The following RPS6KC1 variants were observed in gnomAD, a reference collection of about 807,000 sequenced individuals.
The protein encoded by RPS6KC1 is ribosomal protein S6 kinase C1.
A neutral mutation model predicts 103.8 loss-of-function variants in RPS6KC1; 54 were observed. The observed-to-expected ratio is 0.52, with a 90% CI of 0.42 to 0.65. The LOEUF is 0.65. Among genes scored for constraint, RPS6KC1 ranks in the 30% least tolerant of loss-of-function variants. The pLI, the probability that RPS6KC1 is intolerant of heterozygous loss-of-function variation, is 0.00. For missense variants in RPS6KC1, 1,151 were observed against 1,253.8 expected (o/e 0.92, Z 1.24); for synonymous variants, 439 against 438.7 (o/e 1.00, Z -0.01).
chr1:213,530,960 T>C, the RPS6KC1 span, among the ~76,000 whole-genome samples: 2 of 152,208 alleles, frequency 1.3e-5, no homozygotes, highest in African/African-American at 4.8e-5. Flanking sequence ...TGTATACAGA[T>C]TGGACACTTA....
At chr1:213,458,899 A>G in the RPS6KC1 span, among the ~76,000 whole-genome samples, 2 of 152,062 alleles carry the variant, frequency 1.3e-5, no homozygotes. Context: ...TGTTTATGTG[A>G]TGGATTACGT....
At chr1:213,207,168 A>G (rs1558537507) in intron 8 of RPS6KC1, among the ~76,000 whole-genome samples, 1 of 152,166 alleles carries the variant, frequency 6.6e-6, no homozygotes, top group Admixed American at 6.5e-5. Context: ...CTGCTTTGGC[A>G]TATTTTGAGA....
At chr1:213,849,554 C>T in the RPS6KC1 span, among the ~76,000 whole-genome samples, 2 of 152,228 alleles carry the variant, frequency 1.3e-5, no homozygotes, top group South Asian at 4.1e-4. Context: ...GGTACAATTT[C>T]CCTCATTCAT....
At chr1:213,231,156 T>A (rs1158972524) in intron 9 of RPS6KC1, among the ~76,000 whole-genome samples, 1 of 152,206 alleles carries the variant, frequency 6.6e-6, no homozygotes, top group African/African-American at 2.4e-5. Flanking sequence ...ATGTGTAGTG[T>A]GTTGTTTAAA....
At chr1:213,848,334 C>T in the RPS6KC1 span, among the ~76,000 whole-genome samples, 1 of 152,058 alleles carries the variant, frequency 6.6e-6, no homozygotes, top group Non-Finnish European at 1.5e-5. Context: ...TACTGATCTG[C>T]TTTTTGCTGT....
chr1:213,645,232 G>T, the RPS6KC1 span, among the ~76,000 whole-genome samples: 1 of 152,068 alleles, frequency 6.6e-6, no homozygotes, highest in Non-Finnish European at 1.5e-5. Flanking sequence ...GTGCCAAAAA[G>T]AACGTTTTTG....
At chr1:213,425,686 A>T in the RPS6KC1 span, among the ~76,000 whole-genome samples, 3 of 152,200 alleles carry the variant, frequency 2.0e-5, no homozygotes, top group African/African-American at 7.2e-5. Context: ...ACGTGGAGGG[A>T]TATGGTCTCT....
chr1:213,167,119 C>T (rs966145675), intron 6 of RPS6KC1, among the ~76,000 whole-genome samples: 1 of 152,104 alleles, frequency 6.6e-6, no homozygotes, highest in Non-Finnish European at 1.5e-5. Flanking sequence ...ATGATTGGCT[C>T]AGCTCCTGAC....
chr1:213,436,179 A>C, the RPS6KC1 span, among the ~76,000 whole-genome samples: 3 of 152,260 alleles, frequency 2.0e-5, no homozygotes, highest in East Asian at 1.9e-4. Context: ...TCTTTGTGAC[A>C]ATTTAAATTT....
At chr1:213,084,004 C>G (rs972529902) in intron 3 of RPS6KC1, among the ~76,000 whole-genome samples, 4 of 152,116 alleles carry the variant, frequency 2.6e-5, no homozygotes, top group African/African-American at 9.7e-5. Flanking sequence ...ATGTTTCAAA[C>G]TTACAGAAAG....
the RPS6KC1 span, among the ~76,000 whole-genome samples, chr1:213,638,508 C>T: frequency 1.3e-5 from 2 of 151,826 alleles, no homozygotes; most frequent in African/African-American, 4.8e-5. Flanking sequence ...CTATGATTCA[C>T]TTTTAGTTAC....
chr1:213,297,766 A>G, the RPS6KC1 span, among the ~76,000 whole-genome samples: 1 of 152,092 alleles, frequency 6.6e-6, no homozygotes, highest in Non-Finnish European at 1.5e-5. Context: ...ATGTACCACC[A>G]CGCTAAGCTA....
In RPS6KC1 at chr1:213,152,638, G is replaced by A. The variant is rs1353848115; in HGVS notation, c.836-15220G>A. Among the ~76,000 whole-genome samples the A allele has an allele frequency of 6.6e-5, 10 of 151,202 alleles. No individual in the cohort carries two copies. The East Asian group carries it at 1.2e-3, about 18-fold the overall frequency. ...CAGAGGCGCTCCCCACATCTCAGAC[G>A]ATGGGCGGCCGGGCAGAGACGCTCC... On this transcript the variant is annotated intron_variant, in intron 6 of 14. Transcript: ENST00000366960.
At chr1:213,583,220 A>G in the RPS6KC1 span, among the ~76,000 whole-genome samples, 2 of 152,236 alleles carry the variant, frequency 1.3e-5, no homozygotes, top group African/African-American at 4.8e-5. Flanking sequence ...TGCAATAAAC[A>G]TTCGTGCACA....
At chr1:213,687,054 G>A in the RPS6KC1 span, among the ~76,000 whole-genome samples, 9 of 151,638 alleles carry the variant, frequency 5.9e-5, no homozygotes, top group African/African-American at 1.7e-4. Flanking sequence ...GAGGATAACA[G>A]AGGTTACTTT....
chr1:213,065,427 A>G (rs1366432930), intron 1 of RPS6KC1, among the ~76,000 whole-genome samples: 3 of 152,212 alleles, frequency 2.0e-5, no homozygotes, highest in Non-Finnish European at 4.4e-5. Context: ...GTATGGTTAT[A>G]TTCTTCCCTC....
chr1:213,641,736 A>G, the RPS6KC1 span, among the ~76,000 whole-genome samples: 2 of 151,980 alleles, frequency 1.3e-5, no homozygotes, highest in African/African-American at 2.4e-5. Context: ...TTGGTCTCCT[A>G]TTCAGAAACC....
At chr1:213,602,108 C>CT in the RPS6KC1 span, among the ~76,000 whole-genome samples, 159 of 35,122 alleles carry the variant, frequency 4.5e-3, 21 homozygotes, top group African/African-American at 0.02. Flanking sequence ...TTCTTTCTTT[C>CT]TTTCTTTCTT....
rs2094385211 is a variant in RPS6KC1, at chr1:213,242,747, C to T, written c.2911+89C>T. 3 of 1,011,910 alleles carry T rather than the reference C, an allele frequency of 3.0e-6. No individual in the cohort carries two copies. In the African/African-American group the frequency reaches 4.9e-5, roughly 16 times the overall value. 62.7% of individuals were successfully genotyped at this position (1,011,910 alleles called of 1,614,324 possible). ...AGAAGTTGTATTTTTGTATTGTTCA[C>T]TAGCAGTTTACATATGTGTTGGATT... is the stretch of plus-strand genomic sequence containing the variant. On this transcript the variant is annotated intron_variant, in intron 12 of 14. Coordinates refer to ENST00000366960, the MANE Select transcript of RPS6KC1 (RefSeq NM_012424.6).
Sources: gnomAD v4.1 joint callset for allele counts (sites outside exome capture counted in the v4.1 genomes callset) on GRCh38, gnomAD v4.1.1 for gene constraint, MANE v1.5 for transcripts, NCBI Gene and HGNC (gene_info 2026-07-23, HGNC 2026-07-21) for gene names.